Variants in FHIT observed in about 807,000 individuals in gnomAD.
FHIT encodes the protein bis(5'-adenosyl)-triphosphatase.
Under a neutral mutation model 17.9 loss-of-function variants are expected in FHIT, and 19 were observed. That is an observed-to-expected ratio of 1.06 (90% CI 0.74 to 1.56). The LOEUF is 1.56. Among genes scored for constraint, FHIT ranks in the 40% most tolerant of loss-of-function variants. The pLI, the probability that FHIT is intolerant of heterozygous loss-of-function variation, is 0.00. For synonymous variants in FHIT, 81 were observed against 69.7 expected (o/e 1.16, Z -0.81); for missense variants, 248 against 189.2 (o/e 1.31, Z -1.82).
At chr3:61,165,027 T>C (rs2037797562) in intron 2 of FHIT, among the ~76,000 whole-genome samples, 1 of 152,252 alleles carries the variant, frequency 6.6e-6, no homozygotes, top group African/African-American at 2.4e-5. Flanking sequence ...ACATTTTCTA[T>C]ATCCAATCCA....
chr3:60,671,777 T>TAAA lies in FHIT; in HGVS notation c.-17-134801_-17-134799dup, dbSNP rs11427587. 2.2e-4 allele frequency among the ~76,000 whole-genome samples: 31 copies of TAAA among 139,336 alleles called. 1 individual carries two copies. Among genetic ancestry groups the TAAA allele is most frequent in the South Asian group, 4.7e-4 (2 of 4,296 alleles). 91.4% of individuals were successfully genotyped at this position (139,336 alleles called of 152,430 possible). A position where few individuals can be genotyped will look rare whatever the true frequency, so the allele number is the denominator to read the frequency against. ...CAACATGGTGAAACCCCATCTCTACTAAAAAAAAAAAAAAACACAAAAATT... is the reference window on the plus strand; with the variant it reads ...CAACATGGTGAAACCCCATCTCTACTAAAAAAAAAAAAAAAAAACACAAAAATT... On this transcript the variant is annotated intron_variant, in intron 4 of 9. Coordinates refer to ENST00000492590, the MANE Select transcript of FHIT (RefSeq NM_002012.4).
At chr3:60,986,106 C>G (rs544542046) in intron 3 of FHIT, among the ~76,000 whole-genome samples, 45 of 152,328 alleles carry the variant, frequency 3.0e-4, no homozygotes, top group African/African-American at 9.9e-4. Context: ...TTAACTTGAT[C>G]ATATCTGTGA....
rs563021218 is a variant in FHIT, at chr3:60,047,984, A to G, written c.104-33832T>C. Among the ~76,000 whole-genome samples, 4 of 152,300 alleles carry G rather than the reference A, an allele frequency of 2.6e-5. No individual in the cohort carries two copies. In the East Asian group the frequency reaches 7.7e-4, roughly 29 times the overall value. On this transcript the variant is annotated intron_variant, in intron 5 of 9. Coordinates refer to ENST00000492590, the MANE Select transcript of FHIT (RefSeq NM_002012.4). ...ATTTTTCTTACAGTTCTAGAAACTG[A>G]AAGTCCAAGATCAAGGCATGGGCAG...
intron 5 of FHIT, among the ~76,000 whole-genome samples, chr3:60,210,468 T>C (rs1294785609): frequency 6.6e-6 from 1 of 152,006 alleles, no homozygotes; most frequent in African/African-American, 2.4e-5. Flanking sequence ...ACATAAAAGA[T>C]TCCAGAAACA....
At chr3:60,679,546 T>C (rs1559634590) in intron 4 of FHIT, among the ~76,000 whole-genome samples, 1 of 152,240 alleles carries the variant, frequency 6.6e-6, no homozygotes, top group East Asian at 1.9e-4. Context: ...TTAGATATAA[T>C]TTTTGAAAGA....
At chr3:60,216,215 G>A in intron 5 of FHIT, among the ~76,000 whole-genome samples, 1 of 152,174 alleles carries the variant, frequency 6.6e-6, no homozygotes, top group Non-Finnish European at 1.5e-5. Context: ...TTCAAAAACA[G>A]AGAATTTATA....
At chr3:60,958,590 T>C (rs880003065) in intron 3 of FHIT, among the ~76,000 whole-genome samples, 3 of 152,212 alleles carry the variant, frequency 2.0e-5, no homozygotes, top group African/African-American at 4.8e-5. Flanking sequence ...AGTTGCAATG[T>C]TCCAATTTTG....
chr3:60,580,299 C>A (rs988227823), intron 4 of FHIT, among the ~76,000 whole-genome samples: 6 of 152,030 alleles, frequency 3.9e-5, no homozygotes, highest in Admixed American at 3.9e-4. Flanking sequence ...TACTACATGC[C>A]CTGTTAAAGA....
At chr3:61,118,388 C>G (rs554729609) in intron 2 of FHIT, among the ~76,000 whole-genome samples, 1 of 135,168 alleles carries the variant, frequency 7.4e-6, no homozygotes, top group Non-Finnish European at 1.6e-5. Flanking sequence ...CCCATGTTCA[C>G]TGGAGGATCT....
intron 4 of FHIT, among the ~76,000 whole-genome samples, chr3:60,652,954 A>AAAACAAAACAAAACC (rs151052424): frequency 0.025 from 3,204 of 130,004 alleles, 75 homozygotes; most frequent in East Asian, 0.1. Context: ...AAAACAAAAC[A>AAAACAAAACAAAACC]AAACCTTACT....
chr3:60,957,774 C>G (rs1553779430), intron 3 of FHIT, among the ~76,000 whole-genome samples: 2 of 152,298 alleles, frequency 1.3e-5, no homozygotes, highest in South Asian at 2.1e-4. Context: ...TACAAAGCAC[C>G]TGTTTCCCTT....
chr3:60,736,709 G>C (rs72876947), intron 4 of FHIT, among the ~76,000 whole-genome samples: 2,106 of 152,304 alleles, frequency 0.014, 57 homozygotes, highest in African/African-American at 0.048. Context: ...TCTAGAATTA[G>C]ATAGTGGTAA....
intron 8 of FHIT, among the ~76,000 whole-genome samples, chr3:59,920,213 T>A (rs1705335117): frequency 6.6e-6 from 1 of 152,190 alleles, no homozygotes; most frequent in South Asian, 2.1e-4. Context: ...GGCTACAATA[T>A]CATATGGTTA....
intron 4 of FHIT, among the ~76,000 whole-genome samples, chr3:60,645,162 T>A (rs951316763): frequency 6.6e-6 from 1 of 152,114 alleles, no homozygotes; most frequent in African/African-American, 2.4e-5. Flanking sequence ...TATTGAAGTA[T>A]ATCAAAAACA....
intron 1 of FHIT, among the ~76,000 whole-genome samples, chr3:61,238,971 T>G (rs1341373977): frequency 1.3e-5 from 2 of 151,872 alleles, no homozygotes; most frequent in East Asian, 3.9e-4. Flanking sequence ...GTGAAGGAAA[T>G]GAGAAGGAAT....
In FHIT at chr3:61,193,018, A is replaced by C. The variant is rs2038759562; in HGVS notation, c.-164+7599T>G. 2.0e-5 allele frequency among the ~76,000 whole-genome samples: 3 copies of C among 152,220 alleles called. No individual in the cohort carries two copies. In the South Asian group the frequency reaches 6.2e-4, roughly 32 times the overall value. ...GCCTTCTTCCCTTTGTCTCCCAGAC[A>C]TATTCAAACGCAAAAGATGCTAAAA... is the stretch of plus-strand genomic sequence containing the variant. On this transcript the variant is annotated intron_variant, in intron 2 of 9. Transcript: ENST00000492590.
intron 5 of FHIT, among the ~76,000 whole-genome samples, chr3:60,101,705 G>A (rs1257122020): frequency 6.6e-6 from 1 of 152,130 alleles, no homozygotes; most frequent in African/African-American, 2.4e-5. Flanking sequence ...CACATCACAT[G>A]GATGTAAACA....
intron 8 of FHIT, among the ~76,000 whole-genome samples, chr3:59,855,563 T>C (rs1702120285): frequency 6.6e-6 from 1 of 152,186 alleles, no homozygotes. Context: ...AATGAAATGC[T>C]ACATATTAAA....
intron 8 of FHIT, among the ~76,000 whole-genome samples, chr3:59,836,243 A>C (rs1477646297): frequency 6.6e-6 from 1 of 152,186 alleles, no homozygotes; most frequent in Non-Finnish European, 1.5e-5. Flanking sequence ...AAAATTTCAC[A>C]GGTTGAGCTC....
Sources: gnomAD v4.1 joint callset for allele counts (sites outside exome capture counted in the v4.1 genomes callset) on GRCh38, gnomAD v4.1.1 for gene constraint, MANE v1.5 for transcripts, NCBI Gene and HGNC (gene_info 2026-07-23, HGNC 2026-07-21) for gene names.